The following SLC22A3 variants were observed in gnomAD, a reference collection of about 807,000 sequenced individuals.
The protein encoded by SLC22A3 is EMT organic cation transporter 3.
In SLC22A3, 51 loss-of-function variants were observed where a neutral mutation model predicts 59.1. That is an observed-to-expected ratio of 0.86 (90% confidence interval 0.69 to 1.09). The LOEUF is 1.09. SLC22A3 is among the 50% of genes least tolerant of loss of function. The pLI, the probability that SLC22A3 is intolerant of heterozygous loss-of-function variation, is 0.00. For synonymous variants in SLC22A3, 325 were observed against 292.0 expected, an observed-to-expected ratio of 1.11 and a Z score of -1.15; for missense variants, 711 against 726.3, an observed-to-expected ratio of 0.98 and a Z score of 0.24.
chr6:160,434,327 T>G (rs1788261366), intron 5 of SLC22A3, among the ~76,000 whole-genome samples: 1 of 152,242 alleles, frequency 6.6e-6, no homozygotes, highest in South Asian at 2.1e-4. Context: ...CTATCAAGAA[T>G]GTTTCTAGAA....
chr6:160,370,821 A>C (rs1005406259), intron 1 of SLC22A3, among the ~76,000 whole-genome samples: 1 of 152,182 alleles, frequency 6.6e-6, no homozygotes, highest in African/African-American at 2.4e-5. Flanking sequence ...GCCCCTTATC[A>C]TTAAGTTTTT....
Position 160,362,384 on chromosome 6 carries a change from G to A in SLC22A3, c.429+13536G>A, listed in dbSNP as rs1785043638. Among the ~76,000 whole-genome samples the A allele has an allele frequency of 2.6e-5, 4 of 152,348 alleles. No individual in the cohort carries two copies. The South Asian group carries it at 8.3e-4, about 32-fold the overall frequency. ...TTCAGCTTCCTGGTTAGGAAGAGAA[G>A]GTAGCAGACGTGTAGAAAACCCTCT... On this transcript the variant is annotated intron_variant, in intron 1 of 10. Transcript: ENST00000275300.
chr6:160,398,568 AACC>A (rs769089268), intron 2 of SLC22A3, among the ~76,000 whole-genome samples: 9 of 152,194 alleles, frequency 5.9e-5, no homozygotes, highest in Non-Finnish European at 8.8e-5. Context: ...TTTTTCCAAA[AACC>A]ACTAAAGGAG....
rs146505487 is a variant in SLC22A3 at position 160,349,160 on chromosome 6, C to T, written c.429+312C>T. The T allele has an allele frequency of 1.2e-3, 934 of 769,940 alleles. 3 individuals are homozygous for T. In the African/African-American group the frequency reaches 0.017, roughly 14 times the overall value. 47.7% of individuals were successfully genotyped at this position (769,940 alleles called of 1,614,324 possible). A position where few individuals can be genotyped will look rare whatever the true frequency, so the allele number is the denominator to read the frequency against. On this transcript the variant is annotated intron_variant, in intron 1 of 10. Transcript: ENST00000275300. ...GCACGCCTGCTCAGGAGTCAAAGACCCAGCACCGCGTTCCTTATCTTTGAG... is the reference window on the plus strand; with the variant it reads ...GCACGCCTGCTCAGGAGTCAAAGACTCAGCACCGCGTTCCTTATCTTTGAG...
chr6:160,423,861 A>G (rs999173742), intron 5 of SLC22A3, among the ~76,000 whole-genome samples: 4 of 152,146 alleles, frequency 2.6e-5, no homozygotes, highest in Admixed American at 6.5e-5. Context: ...TTTTGTTGCC[A>G]TTGCTTTTGG....
chr6:160,425,981 T>G (rs568450089), intron 5 of SLC22A3: 24 of 985,424 alleles, frequency 2.4e-5, no homozygotes, highest in Middle Eastern at 5.2e-4. Context: ...ATCTCATCTA[T>G]CTCTAAATGT....
intron 5 of SLC22A3, among the ~76,000 whole-genome samples, chr6:160,420,454 T>C (rs1044436307): frequency 2.6e-5 from 4 of 152,238 alleles, no homozygotes; most frequent in Admixed American, 6.5e-5. Flanking sequence ...GCTTGAAAAC[T>C]ATTCGTCAGA....
intron 1 of SLC22A3, among the ~76,000 whole-genome samples, chr6:160,393,952 G>A (rs1370620068): frequency 6.6e-6 from 1 of 152,216 alleles, no homozygotes; most frequent in Non-Finnish European, 1.5e-5. Context: ...TCTGCAAAAC[G>A]AAGCAATGTT....
At chr6:160,450,458 G>A (rs955418369) in intron 10 of SLC22A3, among the ~76,000 whole-genome samples, 4 of 152,042 alleles carry the variant, frequency 2.6e-5, no homozygotes, top group African/African-American at 9.7e-5. Context: ...AAGGTGCACT[G>A]ATTTCATATT....
At chr6:160,376,330 C>T (rs554262154) in intron 1 of SLC22A3, among the ~76,000 whole-genome samples, 37 of 130,654 alleles carry the variant, frequency 2.8e-4, no homozygotes, top group East Asian at 1.5e-3. Context: ...CAACACACAC[C>T]GGGGCCTGGT....
intron 7 of SLC22A3, among the ~76,000 whole-genome samples, chr6:160,438,608 AC>A (rs1562501943): frequency 1.3e-5 from 2 of 151,880 alleles, no homozygotes; most frequent in African/African-American, 4.8e-5. Context: ...ACACACACAC[AC>A]ACACACACAC....
intron 1 of SLC22A3, among the ~76,000 whole-genome samples, chr6:160,369,027 A>C (rs1016815981): frequency 1.3e-5 from 2 of 152,190 alleles, no homozygotes; most frequent in African/African-American, 4.8e-5. Flanking sequence ...AAAGCATTCT[A>C]TTTAGTGAAA....
intron 3 of SLC22A3, 106 bp from the exon 4 acceptor site, chr6:160,408,647 T>C (rs1787117473): frequency 1.0e-5 from 11 of 1,072,938 alleles, no homozygotes; most frequent in Non-Finnish European, 1.5e-5. Context: ...GCTAGCGTGT[T>C]CTAGCAATGC....
chr6:160,385,597 C>T (rs568258997), intron 1 of SLC22A3, among the ~76,000 whole-genome samples: 6 of 152,320 alleles, frequency 3.9e-5, no homozygotes, highest in African/African-American at 7.2e-5. Flanking sequence ...CAAGCTTCCT[C>T]GGCCCTACTG....
At chr6:160,392,167 A>C (rs568498983) in intron 1 of SLC22A3, among the ~76,000 whole-genome samples, 28 of 152,004 alleles carry the variant, frequency 1.8e-4, no homozygotes, top group Non-Finnish European at 4.0e-4. Flanking sequence ...AGCTTAAAAC[A>C]GTGTACTTCC....
At chr6:160,449,367 TTC>T (rs1284885101) in intron 10 of SLC22A3, among the ~76,000 whole-genome samples, 7 of 152,170 alleles carry the variant, frequency 4.6e-5, no homozygotes, top group Admixed American at 1.3e-4. Context: ...TCTAATTTTT[TTC>T]TGTTTATAAT....
chr6:160,356,542 C>G (rs1784847262), intron 1 of SLC22A3, among the ~76,000 whole-genome samples: 1 of 152,224 alleles, frequency 6.6e-6, no homozygotes, highest in Admixed American at 6.5e-5. Context: ...GGCACAGGTG[C>G]AAGGCCCGGT....
chr6:160,446,748 G>T (rs892822308), intron 9 of SLC22A3, among the ~76,000 whole-genome samples: 3 of 152,174 alleles, frequency 2.0e-5, no homozygotes, highest in African/African-American at 7.2e-5. Flanking sequence ...AAAAAGTAAA[G>T]AATATGAAAT....
intron 9 of SLC22A3, 109 bp from the exon 10 acceptor site, chr6:160,447,610 T>G (rs1788793080): frequency 2.2e-5 from 19 of 881,360 alleles, no homozygotes; most frequent in Non-Finnish European, 3.1e-5. Context: ...TTGCTGTGGT[T>G]GAGAGCTACT....
Sources: allele counts gnomAD v4.1 joint callset (sites outside exome capture counted in the v4.1 genomes callset), GRCh38; gene constraint gnomAD v4.1.1; transcripts MANE v1.5; gene names NCBI Gene and HGNC (gene_info 2026-07-23, HGNC 2026-07-21).